The following HMCN1 variants were observed in gnomAD, a reference collection of about 807,000 sequenced individuals.
HMCN1 encodes hemicentin 1, also known as hemicentin-1.
Under a neutral mutation model 625.9 loss-of-function variants are expected in HMCN1, and 321 were observed. The observed-to-expected ratio is 0.51, with a 90% CI of 0.47 to 0.56. The LOEUF (loss-of-function observed/expected upper bound fraction) is 0.56, where lower values mean the gene tolerates loss of function less well. Among genes scored for constraint, HMCN1 ranks in the 20% least tolerant of loss-of-function variants. HMCN1 has a pLI of 0.00. For missense variants in HMCN1, 6,588 were observed against 6,887.3 expected, an observed-to-expected ratio of 0.96 and a Z score of 1.54; for synonymous variants, 2,425 against 2,417.6, an observed-to-expected ratio of 1.00 and a Z score of -0.09.
At position 186,112,969 on chromosome 1, in the gene HMCN1, C is replaced by A. The variant is rs1263261531; in HGVS notation, c.11131+16C>A. 6.2e-7 allele frequency: 1 copy of A among 1,613,042 alleles called. No homozygotes were observed. Among genetic ancestry groups the A allele is most frequent in the African/African-American group, 1.3e-5 (1 of 74,890 alleles). On this transcript the variant is annotated intron_variant, in intron 72 of 106. Coordinates refer to ENST00000271588, the MANE Select transcript of HMCN1 (RefSeq NM_031935.3). Reference sequence around the variant, plus strand: ...ACTGTAAATGGTAAGAAAAGGTATTCATTGTTCCACAATTTAAAAATCTGA... The same window carrying A: ...ACTGTAAATGGTAAGAAAAGGTATTAATTGTTCCACAATTTAAAAATCTGA...
intron 48 of HMCN1, among the ~76,000 whole-genome samples, chr1:186,063,066 G>GTATATATATATATA (rs1491400415): frequency 1.6e-3 from 47 of 29,924 alleles, no homozygotes; most frequent in South Asian, 2.6e-3. Context: ...GTGTGTGTGT[G>GTATATATATATATA]CATATATATA....
chr1:185,928,019 T>C (rs1341520163), intron 9 of HMCN1, among the ~76,000 whole-genome samples: 1 of 152,186 alleles, frequency 6.6e-6, no homozygotes, highest in Non-Finnish European at 1.5e-5. Flanking sequence ...ACTGATCATT[T>C]GTTTTCATTT....
chr1:185,905,532 A>T (rs767883425), intron 4 of HMCN1, among the ~76,000 whole-genome samples: 12 of 151,876 alleles, frequency 7.9e-5, no homozygotes, highest in Middle Eastern at 3.4e-3. Context: ...ATTCATTTGG[A>T]TGTAATGCAT....
rs1659616621 is a variant in HMCN1, at chr1:186,087,988, T to C, written c.9420T>C (p.Asp3140=). 5 of 1,613,260 alleles carry C rather than the reference T, an allele frequency of 3.1e-6. No homozygotes were observed. The East Asian group carries it at 6.7e-5, about 22-fold the overall frequency. The change falls in exon 61 of 107, where the codon GAT becomes GAC. Residue 3140 remains aspartate (D), a synonymous_variant. Coordinates refer to ENST00000271588, the MANE Select transcript of HMCN1 (RefSeq NM_031935.3). ...CTATAAATGTAGCAGGACGGGATGA[T>C]AAAAATTTCCACCTCAATGTATATG... ...CRAINVAGRD[D]KNFHLNVYVP...
intron 60 of HMCN1, 29 bp from the exon 61 acceptor site, chr1:186,087,903 G>A: frequency 6.4e-7 from 1 of 1,568,516 alleles, no homozygotes; most frequent in Non-Finnish European, 8.8e-7. Context: ...ACTTAATGGA[G>A]CACATACAAT....
intron 30 of HMCN1, among the ~76,000 whole-genome samples, chr1:186,009,246 G>T (rs2102104187): frequency 6.6e-6 from 1 of 152,222 alleles, no homozygotes; most frequent in South Asian, 2.1e-4. Context: ...CATGGGACTT[G>T]GGTTCTTTCA....
intron 36 of HMCN1, 99 bp downstream of exon 36, chr1:186,023,252 T>G: frequency 9.0e-7 from 1 of 1,112,882 alleles, no homozygotes; most frequent in Admixed American, 1.9e-5. Context: ...AAGAAACAGG[T>G]GTTTATTTTC....
At chr1:185,775,298 G>A (rs1656519016) in intron 1 of HMCN1, among the ~76,000 whole-genome samples, 1 of 152,160 alleles carries the variant, frequency 6.6e-6, no homozygotes, top group Non-Finnish European at 1.5e-5. Context: ...AGCTACTTGG[G>A]AGACTGAACT....
chr1:186,055,162 A>G (rs1190619212), intron 44 of HMCN1, among the ~76,000 whole-genome samples: 1 of 152,030 alleles, frequency 6.6e-6, no homozygotes, highest in Non-Finnish European at 1.5e-5. Flanking sequence ...GAACACAGCA[A>G]TCTTTACTTA....
intron 39 of HMCN1, among the ~76,000 whole-genome samples, chr1:186,040,620 GCTA>G (rs1232165535): frequency 6.6e-6 from 1 of 152,002 alleles, no homozygotes; most frequent in African/African-American, 2.4e-5. Context: ...AATTAATTTG[GCTA>G]CTACTTTGTT....
Position 185,987,556 on chromosome 1 carries a change from A to G in HMCN1, c.3048+12A>G, listed in dbSNP as rs759007264. 44 of 1,516,140 alleles carry G rather than the reference A, an allele frequency of 2.9e-5. No individual in the cohort carries two copies. In the East Asian group the frequency reaches 9.2e-4, roughly 32 times the overall value. The allele number at this position is 1,516,140 out of a possible 1,614,324, so 93.9% of individuals were successfully genotyped here. On this transcript the variant is annotated intron_variant, in intron 20 of 106. Coordinates refer to ENST00000271588, the MANE Select transcript of HMCN1 (RefSeq NM_031935.3). Reference sequence around the variant, plus strand: ...TCATCTGGTCCAAGGTAAATGATACATCTAGTTATATTTCCTGAAGAGCAG... The same window carrying G: ...TCATCTGGTCCAAGGTAAATGATACGTCTAGTTATATTTCCTGAAGAGCAG...
chr1:185,742,986 C>A (rs1056519110), intron 1 of HMCN1, among the ~76,000 whole-genome samples: 3 of 152,134 alleles, frequency 2.0e-5, no homozygotes, highest in Non-Finnish European at 2.9e-5. Flanking sequence ...GTTTTTCCCC[C>A]CTTGTTAATT....
At chr1:185,821,057 A>T (rs1344214058) in intron 1 of HMCN1, among the ~76,000 whole-genome samples, 1 of 151,706 alleles carries the variant, frequency 6.6e-6, no homozygotes, top group Admixed American at 6.6e-5. Flanking sequence ...ATATATATCT[A>T]TATATATGCT....
intron 68 of HMCN1, among the ~76,000 whole-genome samples, chr1:186,099,602 G>T (rs577661433): frequency 6.6e-6 from 1 of 152,178 alleles, no homozygotes; most frequent in South Asian, 2.1e-4. Flanking sequence ...AGATACTAAA[G>T]AAGTAATTAC....
In HMCN1 at chr1:186,086,757, CATAG is replaced by C. The variant is rs916576650; in HGVS notation, c.9046+363_9046+366del. 5.3e-5 allele frequency among the ~76,000 whole-genome samples: 8 copies of C among 150,776 alleles called. No individual in the cohort carries two copies. In the South Asian group the frequency reaches 6.3e-4, roughly 12 times the overall value. On this transcript the variant is annotated intron_variant, in intron 58 of 106. Coordinates refer to ENST00000271588, the MANE Select transcript of HMCN1 (RefSeq NM_031935.3). The stretch of plus-strand genomic sequence containing the variant: ...AAGTTCCGTAAGGATAGATGATAGA[CATAG>C]ATAGATAGATAGGTAGATAGATAGA...
intron 1 of HMCN1, among the ~76,000 whole-genome samples, chr1:185,744,971 T>C: frequency 6.6e-6 from 1 of 152,082 alleles, no homozygotes; most frequent in East Asian, 1.9e-4. Flanking sequence ...TTGAGGGGAC[T>C]TGGGTGTAGA....
rs1661737467 is a variant in HMCN1, at chr1:186,128,114, A to C, written c.12727A>C (p.Asn4243His). Reference sequence around the variant, plus strand: ...TGGCTTCTATACCTGTGTTGCTAACAATGCTGCAGGTGAAGATACACACAC... The same window carrying C: ...TGGCTTCTATACCTGTGTTGCTAACCATGCTGCAGGTGAAGATACACACAC... Reference protein sequence around the residue: ...DSGFYTCVANNAAGEDTHTVS... With the variant: ...DSGFYTCVANHAAGEDTHTVS... The change falls in exon 83 of 107, where the codon AAT (asparagine) becomes CAT (histidine). Residue 4243 changes from asparagine to histidine, a missense_variant. Around this residue, in one of 3 missense-constraint regions of HMCN1, gnomAD observed 1,954 missense variants for 2,013.1 expected, o/e 0.97. Coordinates refer to ENST00000271588, the MANE Select transcript of HMCN1 (RefSeq NM_031935.3). The C allele has an allele frequency of 6.2e-7, 1 of 1,613,494 alleles. No individual in the cohort carries two copies. Among genetic ancestry groups the C allele is most frequent in the African/African-American group, 1.3e-5 (1 of 74,862 alleles).
chr1:186,184,584 A>G (rs1653161268), intron 105 of HMCN1, among the ~76,000 whole-genome samples: 1 of 152,224 alleles, frequency 6.6e-6, no homozygotes, highest in Non-Finnish European at 1.5e-5. Flanking sequence ...GAAACATTCT[A>G]TGAGCACTGC....
At chr1:185,760,611 C>CAACG (rs1247992058) in intron 1 of HMCN1, among the ~76,000 whole-genome samples, 14 of 152,228 alleles carry the variant, frequency 9.2e-5, no homozygotes, top group Admixed American at 7.8e-4. Flanking sequence ...ATGAGACAGA[C>CAACG]AACGTCCTTT....
Sources: gnomAD v4.1 joint callset for allele counts (sites outside exome capture counted in the v4.1 genomes callset) on GRCh38, gnomAD v4.1.1 for gene constraint, gnomAD v4.1.1 regional missense constraint, MANE v1.5 for transcripts, NCBI Gene and HGNC (gene_info 2026-07-23, HGNC 2026-07-21) for gene names.